Variants in ANKS1B observed in about 807,000 individuals in gnomAD.
The protein encoded by ANKS1B is ankyrin repeat and sterile alpha motif domain-containing protein 1B.
In ANKS1B, 36 loss-of-function variants were observed where a neutral mutation model predicts 148.3. The observed-to-expected ratio is 0.24, with a 90% CI of 0.19 to 0.32. The LOEUF (loss-of-function observed/expected upper bound fraction) is 0.32, where lower values mean the gene tolerates loss of function less well. Ranked by LOEUF, ANKS1B falls within the 10% of genes least tolerant of loss-of-function variation. The pLI, the probability that ANKS1B is intolerant of heterozygous loss-of-function variation, is 1.00. For synonymous variants in ANKS1B, 542 were observed against 560.8 expected, an observed-to-expected ratio of 0.97 and a Z score of 0.47; for missense variants, 1,157 against 1,542.6, an observed-to-expected ratio of 0.75 and a Z score of 4.19.
chr12:99,577,559 C>T (rs1567392626), intron 9 of ANKS1B, among the ~76,000 whole-genome samples: 1 of 151,728 alleles, frequency 6.6e-6, no homozygotes. Flanking sequence ...CCACCAGCCC[C>T]ACATAAATAC....
intron 6 of ANKS1B, among the ~76,000 whole-genome samples, chr12:99,778,333 C>A (rs998341821): frequency 2.0e-5 from 3 of 151,916 alleles, no homozygotes; most frequent in African/African-American, 7.3e-5. Context: ...CATGGTAAAA[C>A]CCCCTCTCTA....
intron 1 of ANKS1B, among the ~76,000 whole-genome samples, chr12:99,880,554 C>T (rs927243900): frequency 2.2e-4 from 33 of 152,122 alleles, no homozygotes; most frequent in Non-Finnish European, 3.7e-4. Flanking sequence ...AAAATTTGGA[C>T]CAAATTATTT....
chr12:99,443,686 A>G lies in ANKS1B; in HGVS notation c.1562T>C (p.Val521Ala). ...PDTALKNIVK[V>A]IRPQPKQRTS... is the part of the protein sequence containing the mutation. ...CTGGGCACTTACCTGGGGTCGAATG[A>G]CTTTTACAATATTTTTGAGGGCAGT... Residue 521 changes from valine (V) to alanine (A), a missense_variant, in exon 11 of 27, where the codon GTC (valine) becomes GCC (alanine). Around this residue, in one of 6 missense-constraint regions of ANKS1B, gnomAD observed 661 missense variants for 642.1 expected, o/e 1.03. Transcript: ENST00000683438. The G allele has an allele frequency of 6.2e-7, 1 of 1,611,828 alleles. No homozygotes were observed. Among genetic ancestry groups the G allele is most frequent in the Non-Finnish European group, 8.5e-7 (1 of 1,178,618 alleles).
At chr12:99,421,161 G>A (rs971673401) in intron 11 of ANKS1B, among the ~76,000 whole-genome samples, 5 of 152,172 alleles carry the variant, frequency 3.3e-5, no homozygotes, top group African/African-American at 2.4e-5. Context: ...TAATATTTTA[G>A]TATAAGTAGG....
intron 25 of ANKS1B, among the ~76,000 whole-genome samples, chr12:98,759,225 T>A (rs2098340296): frequency 6.6e-6 from 1 of 152,212 alleles, no homozygotes; most frequent in Non-Finnish European, 1.5e-5. Flanking sequence ...AGCTTATATT[T>A]ACTGTGGTTT....
At chr12:99,395,605 C>G (rs2094217020) in intron 12 of ANKS1B, among the ~76,000 whole-genome samples, 1 of 152,128 alleles carries the variant, frequency 6.6e-6, no homozygotes, top group African/African-American at 2.4e-5. Context: ...CATCTCAAAT[C>G]TACTACATAT....
chr12:99,626,361 A>C (rs941200022), intron 9 of ANKS1B, among the ~76,000 whole-genome samples: 2 of 152,166 alleles, frequency 1.3e-5, no homozygotes, highest in Non-Finnish European at 2.9e-5. Context: ...TTTATTCTCC[A>C]CTTCCAGGTG....
chr12:99,737,947 T>A (rs555981753), intron 8 of ANKS1B, among the ~76,000 whole-genome samples: 1 of 152,170 alleles, frequency 6.6e-6, no homozygotes, highest in Non-Finnish European at 1.5e-5. Flanking sequence ...CATAGTCCCA[T>A]AGACATTCTA....
intron 14 of ANKS1B, among the ~76,000 whole-genome samples, chr12:99,220,141 AG>A (rs1417082089): frequency 6.6e-6 from 1 of 152,090 alleles, no homozygotes; most frequent in Non-Finnish European, 1.5e-5. Context: ...CTGAGATTAA[AG>A]GTGCATGCCA....
chr12:99,120,995 C>G (rs192501048), intron 15 of ANKS1B, among the ~76,000 whole-genome samples: 1 of 151,986 alleles, frequency 6.6e-6, no homozygotes, highest in African/African-American at 2.4e-5. Flanking sequence ...GATGACTAAC[C>G]TAATTTGAGA....
At chr12:98,982,686 C>T (rs1251828756) in intron 17 of ANKS1B, among the ~76,000 whole-genome samples, 2 of 152,178 alleles carry the variant, frequency 1.3e-5, no homozygotes, top group Non-Finnish European at 2.9e-5. Context: ...TTTCATACCA[C>T]ATTATGTTCC....
At chr12:99,856,363 G>A (rs2089070030) in intron 1 of ANKS1B, among the ~76,000 whole-genome samples, 1 of 151,948 alleles carries the variant, frequency 6.6e-6, no homozygotes, top group Non-Finnish European at 1.5e-5. Flanking sequence ...ATTAAACCAA[G>A]AAGTAGAAAC....
At chr12:99,931,675 A>G (rs543530795) in intron 1 of ANKS1B, among the ~76,000 whole-genome samples, 5 of 152,282 alleles carry the variant, frequency 3.3e-5, no homozygotes, top group East Asian at 3.9e-4. Context: ...GTATGTATTT[A>G]TGGGGTACAT....
chr12:98,967,168 C>G (rs1257327684), intron 17 of ANKS1B, among the ~76,000 whole-genome samples: 1 of 152,136 alleles, frequency 6.6e-6, no homozygotes, highest in Non-Finnish European at 1.5e-5. Context: ...AGCCTTGAAA[C>G]TACCTAAAGG....
chr12:99,498,636 T>C (rs891533187), intron 10 of ANKS1B, among the ~76,000 whole-genome samples: 7 of 152,324 alleles, frequency 4.6e-5, no homozygotes, highest in African/African-American at 1.4e-4. Context: ...TCAACACTTA[T>C]ACCTTTTGCT....
At chr12:98,955,333 C>A (rs2099860458) in intron 17 of ANKS1B, among the ~76,000 whole-genome samples, 1 of 152,102 alleles carries the variant, frequency 6.6e-6, no homozygotes, top group Non-Finnish European at 1.5e-5. Context: ...AGTGGAACAG[C>A]AGGTACAGGG....
chr12:99,300,304 T>C (rs541887050), intron 12 of ANKS1B, among the ~76,000 whole-genome samples: 37 of 142,960 alleles, frequency 2.6e-4, no homozygotes, highest in African/African-American at 1.0e-3. Flanking sequence ...AGGACAAATA[T>C]AGCTCATTAT....
At chr12:99,055,645 C>A (rs1409748431) in intron 16 of ANKS1B, among the ~76,000 whole-genome samples, 1 of 152,010 alleles carries the variant, frequency 6.6e-6, no homozygotes, top group Non-Finnish European at 1.5e-5. Flanking sequence ...CCCTCCAATC[C>A]CCCTTTCTTG....
chr12:99,517,288 T>A (rs1268563864), intron 9 of ANKS1B, among the ~76,000 whole-genome samples: 3 of 152,156 alleles, frequency 2.0e-5, no homozygotes, highest in Non-Finnish European at 4.4e-5. Flanking sequence ...GTGCAATAAC[T>A]CTTTTGATTT....
Sources: gnomAD v4.1 joint callset for allele counts (sites outside exome capture counted in the v4.1 genomes callset) on GRCh38, gnomAD v4.1.1 for gene constraint, gnomAD v4.1.1 regional missense constraint, MANE v1.5 for transcripts, NCBI Gene and HGNC (gene_info 2026-07-23, HGNC 2026-07-21) for gene names.